The following GNAO1 variants were observed in gnomAD, a reference collection of about 807,000 sequenced individuals.
The protein encoded by GNAO1 is guanine nucleotide-binding protein G(o) subunit alpha.
For synonymous variants in GNAO1, 164 were observed against 180.7 expected (o/e 0.91, Z 0.74); for missense variants, 166 against 478.7 (o/e 0.35, Z 6.10).
intron 2 of GNAO1, among the ~76,000 whole-genome samples, chr16:56,202,466 C>T (rs941019596): frequency 1.3e-5 from 2 of 152,178 alleles, no homozygotes; most frequent in Non-Finnish European, 2.9e-5. Flanking sequence ...TTTTATTGTT[C>T]ATTTCTACAT....
chr16:56,354,842 C>G lies in GNAO1; in HGVS notation c.878-24C>G, dbSNP rs200618000. 7 of 1,548,418 alleles carry G rather than the reference C, an allele frequency of 4.5e-6. No homozygotes were observed. Among genetic ancestry groups the G allele is most frequent in the Non-Finnish European group, 6.2e-6 (7 of 1,121,930 alleles). Reference sequence around the variant, plus strand: ...CCACAGCGCTCATCAGGGCCTCTCCCCGTTCTTCTGTGTCTTGTTACAGGC... The same window carrying G: ...CCACAGCGCTCATCAGGGCCTCTCCGCGTTCTTCTGTGTCTTGTTACAGGC... On this transcript the variant is annotated intron_variant, in intron 7 of 8. Transcript: ENST00000262493. This position sits in a 1 kb window ranked among gnomAD's most constrained non-coding sequence, Gnocchi z 4.3.
At chr16:56,222,757 G>A (rs2036502551) in intron 2 of GNAO1, among the ~76,000 whole-genome samples, 1 of 152,200 alleles carries the variant, frequency 6.6e-6, no homozygotes. Context: ...GATCCTCGGA[G>A]AGCATTTCAT....
At chr16:56,235,850 A>G (rs778799842) in intron 2 of GNAO1, among the ~76,000 whole-genome samples, 2 of 152,202 alleles carry the variant, frequency 1.3e-5, no homozygotes, top group Non-Finnish European at 2.9e-5. Flanking sequence ...TTTGACATGC[A>G]TGGATTTCTT....
intron 4 of GNAO1, among the ~76,000 whole-genome samples, chr16:56,334,130 C>T (rs1226670825): frequency 6.6e-6 from 1 of 152,200 alleles, no homozygotes; most frequent in Non-Finnish European, 1.5e-5. Context: ...CGCTGTATGG[C>T]TGTGCAGCCC....
chr16:56,335,193 G>T (rs12445946), intron 5 of GNAO1, among the ~76,000 whole-genome samples: 1 of 151,946 alleles, frequency 6.6e-6, no homozygotes, highest in Non-Finnish European at 1.5e-5. Flanking sequence ...ACCTTGGGGG[G>T]AGGAGCCAAG....
At chr16:56,207,477 G>A (rs1484608733) in intron 2 of GNAO1, among the ~76,000 whole-genome samples, 2 of 152,164 alleles carry the variant, frequency 1.3e-5, no homozygotes, top group Admixed American at 1.3e-4. Context: ...GGTAGAACTA[G>A]AGCCTAGTTT....
At chr16:56,301,699 C>G (rs1315887870) in intron 3 of GNAO1, 15 of 152,144 alleles carry the variant, frequency 9.9e-5, no homozygotes, top group African/African-American at 3.6e-4. Flanking sequence ...GCTTCTCTTC[C>G]CAGTGGAACA....
chr16:56,328,595 A>G (rs1428547977), intron 3 of GNAO1, 36 bp from the exon 4 acceptor site: 2 of 1,605,308 alleles, frequency 1.2e-6, no homozygotes, highest in Non-Finnish European at 1.7e-6. Flanking sequence ...TGTCCCCACC[A>G]AAGCGTCAAA....
rs1419278458 is a variant in GNAO1 at position 56,254,486 on chromosome 16, C to G, written c.162-21445C>G. 3.9e-5 allele frequency among the ~76,000 whole-genome samples: 6 copies of G among 152,090 alleles called. 1 individual carries two copies. Among genetic ancestry groups the G allele is most frequent in the South Asian group, 4.1e-4 (2 of 4,826 alleles). ...CTCCCTTATCTAATTAATTTTGACA[C>G]TTCTCCCTCCTTTTGTTTGCACTTG... On this transcript the variant is annotated intron_variant, in intron 2 of 8. Transcript: ENST00000262493.
chr16:56,338,556 A>C (rs1012818330), intron 6 of GNAO1, among the ~76,000 whole-genome samples: 1 of 152,146 alleles, frequency 6.6e-6, no homozygotes, highest in East Asian at 1.9e-4. Flanking sequence ...TTTTTCCCCC[A>C]TGTCCACCAC....
intron 3 of GNAO1, among the ~76,000 whole-genome samples, chr16:56,313,857 G>T (rs9939948): frequency 0.17 from 25,857 of 152,046 alleles, 2,539 homozygotes; most frequent in African/African-American, 0.27. Flanking sequence ...CAGTAGCTGG[G>T]ACTACAAGTA....
At chr16:56,309,769 T>A (rs1169386935) in intron 3 of GNAO1, among the ~76,000 whole-genome samples, 1 of 151,420 alleles carries the variant, frequency 6.6e-6, no homozygotes, top group East Asian at 1.9e-4. Flanking sequence ...TGCTCCCTCA[T>A]AGCTGAGGAA....
chr16:56,269,313 C>T (rs1458798678), intron 2 of GNAO1, among the ~76,000 whole-genome samples: 2 of 152,188 alleles, frequency 1.3e-5, no homozygotes, highest in African/African-American at 2.4e-5. Context: ...TCCTCCTCCT[C>T]CTCCTCCTGA....
chr16:56,221,409 G>A (rs1402483634), intron 2 of GNAO1, among the ~76,000 whole-genome samples: 1 of 151,982 alleles, frequency 6.6e-6, no homozygotes, highest in Non-Finnish European at 1.5e-5. Context: ...CAACACTTTG[G>A]GAAGCCAAAG....
intron 3 of GNAO1, among the ~76,000 whole-genome samples, chr16:56,323,296 T>C (rs1039605633): frequency 3.3e-5 from 5 of 152,162 alleles, no homozygotes; most frequent in African/African-American, 9.7e-5. Context: ...TGATTAAGTT[T>C]AACTGAATAC....
At position 56,351,599 on chromosome 16, in the gene GNAO1, A is replaced by C; in HGVS notation, c.877+62A>C. ...CCCCTGACAGGGACCCATGGCTCAG[A>C]GAACAGGCTGCTCGGCCAGCACTGC... On this transcript the variant is annotated intron_variant, in intron 7 of 8. Transcript: ENST00000262493. This position sits in a 1 kb window ranked among gnomAD's most constrained non-coding sequence, Gnocchi z 6.1. 1 of 1,359,202 alleles carries C rather than the reference A, an allele frequency of 7.4e-7. No individual in the cohort carries two copies. The highest frequency in any genetic ancestry group is 1.0e-6 in the Non-Finnish European group (1 of 964,802). The allele number at this position is 1,359,202 out of a possible 1,614,324, so 84.2% of individuals were successfully genotyped here.
intron 3 of GNAO1, among the ~76,000 whole-genome samples, chr16:56,293,752 G>A (rs552604570): frequency 2.6e-5 from 4 of 152,270 alleles, no homozygotes; most frequent in African/African-American, 7.2e-5. Context: ...CTGATATCAG[G>A]TTGGGGAAAG....
At chr16:56,349,147 G>A (rs2037899396) in intron 6 of GNAO1, among the ~76,000 whole-genome samples, 1 of 152,184 alleles carries the variant, frequency 6.6e-6, no homozygotes, top group South Asian at 2.1e-4. Context: ...GAACTGTGGA[G>A]CCTAAATGAG....
intron 2 of GNAO1, chr16:56,255,411 G>A (rs2036837490): frequency 6.6e-6 from 1 of 152,172 alleles, no homozygotes; most frequent in African/African-American, 2.4e-5. Flanking sequence ...ACTATTTGAG[G>A]TCTTTGGTTA....
Sources: allele counts gnomAD v4.1 joint callset (sites outside exome capture counted in the v4.1 genomes callset), GRCh38; gene constraint gnomAD v4.1.1; non-coding constraint Gnocchi (gnomAD v3.1); transcripts MANE v1.5; gene names NCBI Gene and HGNC (gene_info 2026-07-23, HGNC 2026-07-21).